The following CCSER1 variants were observed in gnomAD, a reference collection of about 807,000 sequenced individuals.
The protein encoded by CCSER1 is coiled-coil serine rich protein 1.
Under a neutral mutation model 82.0 loss-of-function variants are expected in CCSER1, and 41 were observed. The observed-to-expected ratio is 0.50, with a 90% confidence interval of 0.39 to 0.65. The LOEUF (loss-of-function observed/expected upper bound fraction) is 0.65, where lower values mean the gene tolerates loss of function less well. Among genes scored for constraint, CCSER1 ranks in the 30% least tolerant of loss-of-function variants. The probability of loss-of-function intolerance (pLI) is 0.00; values close to 1 mark genes in which losing one functional copy is unlikely to be tolerated. For synonymous variants in CCSER1, 414 were observed against 383.9 expected, an observed-to-expected ratio of 1.08 and a Z score of -0.92; for missense variants, 1,119 against 1,064.2, an observed-to-expected ratio of 1.05 and a Z score of -0.72.
rs149860185 is a variant in CCSER1 at position 90,383,205 on chromosome 4, G to A, written c.1510-16831G>A. ...GAGAAATTTGGCTAAATTTGCAACC[G>A]TGGAAAAGAAAGAAAATGTCAAGTA... On this transcript the variant is annotated intron_variant, in intron 3 of 10. Coordinates refer to ENST00000509176, the MANE Select transcript of CCSER1 (RefSeq NM_001145065.2). Among the ~76,000 whole-genome samples the A allele has an allele frequency of 1.8e-4, 27 of 152,156 alleles. 1 individual carries two copies. The East Asian group carries it at 2.5e-3, about 14-fold the overall frequency.
rs149154650 is a variant in CCSER1 at position 90,145,531 on chromosome 4, A to G, written c.-42+17700A>G. 6.1e-3 allele frequency among the ~76,000 whole-genome samples: 927 copies of G among 152,164 alleles called. 5 individuals are homozygous for G. The highest frequency in any genetic ancestry group is 0.019 in the African/African-American group (806 of 41,540). On this transcript the variant is annotated intron_variant, in intron 1 of 10. Transcript: ENST00000509176. The stretch of plus-strand genomic sequence containing the variant: ...CTGACTCACCGTATTTAACATTTCA[A>G]TATCTATTGTGTCAAGCGTGATTTT...
At chr4:91,443,252 A>G (rs1017567275) in intron 10 of CCSER1, among the ~76,000 whole-genome samples, 2 of 152,278 alleles carry the variant, frequency 1.3e-5, no homozygotes, top group African/African-American at 4.8e-5. Flanking sequence ...GACTGGATTA[A>G]GAAAATGTGG....
At position 90,153,493 on chromosome 4, in the gene CCSER1, G is replaced by T. The variant is rs539089093; in HGVS notation, c.-42+25662G>T. Reference sequence around the variant, plus strand: ...TCCACAATGGTTGAACTAGCTTACAGTCCCACCAACAGTGTCAAAGTGTTC... The same window carrying T: ...TCCACAATGGTTGAACTAGCTTACATTCCCACCAACAGTGTCAAAGTGTTC... On this transcript the variant is annotated intron_variant, in intron 1 of 10. Transcript: ENST00000509176. 8.0e-3 allele frequency among the ~76,000 whole-genome samples: 1,215 copies of T among 152,144 alleles called. 18 individuals carry two copies. Among genetic ancestry groups the T allele is most frequent in the African/African-American group, 0.028 (1,150 of 41,490 alleles).
chr4:91,033,499 G>A (rs527860685), intron 9 of CCSER1, among the ~76,000 whole-genome samples: 2 of 152,286 alleles, frequency 1.3e-5, no homozygotes, highest in Admixed American at 6.5e-5. Flanking sequence ...ACAGCCAGCA[G>A]TGTGGTCAGT....
At chr4:90,257,320 C>G (rs1723504376) in intron 1 of CCSER1, among the ~76,000 whole-genome samples, 1 of 151,960 alleles carries the variant, frequency 6.6e-6, no homozygotes, top group Non-Finnish European at 1.5e-5. Flanking sequence ...GGACAGGGAC[C>G]TTGTATGGTT....
chr4:91,228,341 T>G (rs1738367419), intron 10 of CCSER1, among the ~76,000 whole-genome samples: 2 of 152,092 alleles, frequency 1.3e-5, no homozygotes, highest in Non-Finnish European at 2.9e-5. Flanking sequence ...AGAAAACATA[T>G]TTTCAAGATT....
At chr4:90,851,975 T>A (rs1763945083) in intron 8 of CCSER1, among the ~76,000 whole-genome samples, 1 of 152,188 alleles carries the variant, frequency 6.6e-6, no homozygotes, top group African/African-American at 2.4e-5. Context: ...CAACCCTTTG[T>A]GGAAGACTAG....
intron 1 of CCSER1, among the ~76,000 whole-genome samples, chr4:90,289,948 T>G (rs1265751188): frequency 6.6e-6 from 1 of 151,600 alleles, no homozygotes; most frequent in Non-Finnish European, 1.5e-5. Context: ...CCAAAGTTAG[T>G]GAGAGCAGAA....
At chr4:90,584,739 A>C (rs773296072) in intron 5 of CCSER1, among the ~76,000 whole-genome samples, 3 of 152,204 alleles carry the variant, frequency 2.0e-5, no homozygotes, top group Non-Finnish European at 4.4e-5. Context: ...AATTAATTGG[A>C]AGTATAGCTC....
At chr4:91,234,000 A>G (rs1175104707) in intron 10 of CCSER1, among the ~76,000 whole-genome samples, 2 of 152,008 alleles carry the variant, frequency 1.3e-5, no homozygotes, top group African/African-American at 2.4e-5. Context: ...AAATGCAAAT[A>G]TAGTATGTTT....
chr4:91,189,822 T>G (rs1056823395), intron 10 of CCSER1, among the ~76,000 whole-genome samples: 4 of 152,230 alleles, frequency 2.6e-5, no homozygotes, highest in African/African-American at 9.6e-5. Flanking sequence ...ATTTGAATTT[T>G]AATTTTTGAA....
intron 10 of CCSER1, among the ~76,000 whole-genome samples, chr4:91,546,223 G>C (rs1474544819): frequency 6.6e-6 from 1 of 151,982 alleles, no homozygotes; most frequent in Non-Finnish European, 1.5e-5. Context: ...GAGAGATGTA[G>C]GTCTATAGTT....
chr4:91,029,593 T>C (rs1374818623), intron 9 of CCSER1, among the ~76,000 whole-genome samples: 1 of 152,050 alleles, frequency 6.6e-6, no homozygotes, highest in East Asian at 1.9e-4. Context: ...TGGGATTACA[T>C]GACCTGTTTT....
chr4:90,830,303 C>T (rs1037606091), intron 8 of CCSER1, among the ~76,000 whole-genome samples: 1 of 152,104 alleles, frequency 6.6e-6, no homozygotes, highest in Non-Finnish European at 1.5e-5. Context: ...ATTGAGGAAA[C>T]CAAGGCTCAA....
chr4:90,590,701 C>G (rs1049516831), intron 5 of CCSER1, among the ~76,000 whole-genome samples: 2 of 152,038 alleles, frequency 1.3e-5, no homozygotes, highest in African/African-American at 4.8e-5. Flanking sequence ...GTTACTGTAG[C>G]CTTGTAGTAT....
chr4:90,793,878 T>A (rs886689337), intron 7 of CCSER1, among the ~76,000 whole-genome samples: 4 of 152,212 alleles, frequency 2.6e-5, no homozygotes, highest in African/African-American at 9.7e-5. Flanking sequence ...TGAGGTGGTG[T>A]CTCATTGTGG....
chr4:90,765,526 T>C (rs1012468612), intron 7 of CCSER1, among the ~76,000 whole-genome samples: 13 of 152,148 alleles, frequency 8.5e-5, no homozygotes, highest in African/African-American at 3.1e-4. Context: ...TGCATCGTAC[T>C]CTTCTCTGTT....
At chr4:90,815,221 A>C (rs1239350535) in intron 7 of CCSER1, among the ~76,000 whole-genome samples, 1 of 152,082 alleles carries the variant, frequency 6.6e-6, no homozygotes, top group Non-Finnish European at 1.5e-5. Context: ...TCTCATGAGA[A>C]CTTTCTCACT....
chr4:90,535,109 T>G (rs1775147407), intron 5 of CCSER1, among the ~76,000 whole-genome samples: 2 of 152,160 alleles, frequency 1.3e-5, no homozygotes, highest in South Asian at 2.1e-4. Flanking sequence ...TTTACTTAGC[T>G]ACACTGAGAA....
Sources: gnomAD v4.1 joint callset for allele counts (sites outside exome capture counted in the v4.1 genomes callset) on GRCh38, gnomAD v4.1.1 for gene constraint, MANE v1.5 for transcripts, NCBI Gene and HGNC (gene_info 2026-07-23, HGNC 2026-07-21) for gene names.